PZP: variants seen among roughly 807,000 people sequenced by gnomAD.
PZP encodes pregnancy zone protein.
Under a neutral mutation model 179.8 loss-of-function variants are expected in PZP, and 150 were observed. That is an observed-to-expected ratio of 0.83 (90% confidence interval 0.73 to 0.96). The LOEUF is 0.96. PZP is among the 40% of genes least tolerant of loss of function. The probability of loss-of-function intolerance (pLI) is 0.00; values close to 1 mark genes in which losing one functional copy is unlikely to be tolerated. For synonymous variants in PZP, 624 were observed against 652.3 expected (o/e 0.96, Z 0.66); for missense variants, 1,689 against 1,764.0 (o/e 0.96, Z 0.76).
chr12:9,203,757 G>A lies in PZP; in HGVS notation c.267+11C>T, dbSNP rs375158702. 4.0e-5 allele frequency: 65 copies of A among 1,613,696 alleles called. No homozygotes were observed. The highest frequency in any genetic ancestry group is 5.1e-5 in the Non-Finnish European group (60 of 1,179,830). On this transcript the variant is annotated intron_variant, in intron 2 of 35. Coordinates refer to ENST00000261336, the MANE Select transcript of PZP (RefSeq NM_002864.3). ...CAAGCAGGGATAGCCAGCTGGCACCGTAGCACTCACAGTGAAGGAGACACA... is the reference window on the plus strand; with the variant it reads ...CAAGCAGGGATAGCCAGCTGGCACCATAGCACTCACAGTGAAGGAGACACA...
Position 9,165,194 on chromosome 12 carries a change from C to T in PZP, c.2432G>A (p.Gly811Glu). 6.2e-7 allele frequency: 1 copy of T among 1,614,164 alleles called. No individual in the cohort carries two copies. Among genetic ancestry groups the T allele is most frequent in the Admixed American group, 1.7e-5 (1 of 60,022 alleles). Residue 811 changes from glycine (G) to glutamate (E), a missense_variant, in exon 19 of 36, where the codon GGA becomes GAA. This residue lies in a region of PZP where 201 missense variants were observed against 284.2 expected (regional missense o/e 0.71). Transcript: ENST00000261336. ...ELTMPYSVIR[G>E]EVFTLKATVL... The stretch of plus-strand genomic sequence containing the variant: ...CGTGGCCTTGAGTGTGAAGACCTCT[C>T]CACGAATCACAGAGTAAGGCATTGT...
intron 23 of PZP, among the ~76,000 whole-genome samples, chr12:9,160,810 G>T (rs917337209): frequency 1.3e-5 from 2 of 152,050 alleles, no homozygotes; most frequent in Non-Finnish European, 2.9e-5. Context: ...AGCTACTCGG[G>T]AGGCTGAGGC....
At chr12:9,158,174 T>C (rs1340518225) in intron 26 of PZP, among the ~76,000 whole-genome samples, 1 of 152,206 alleles carries the variant, frequency 6.6e-6, no homozygotes, top group Non-Finnish European at 1.5e-5. Context: ...AGGCTAGTCT[T>C]ATACTCCTGG....
At chr12:9,165,680 T>A (rs751242059) in intron 18 of PZP, among the ~76,000 whole-genome samples, 1 of 152,330 alleles carries the variant, frequency 6.6e-6, no homozygotes, top group African/African-American at 2.4e-5. Context: ...TAAATAAGCA[T>A]TTTTAAGAAT....
At chr12:9,155,480 TTTGTTGTTGTTATTG>T (rs1385231364) in intron 28 of PZP, among the ~76,000 whole-genome samples, 1 of 147,498 alleles carries the variant, frequency 6.8e-6, no homozygotes, top group Non-Finnish European at 1.5e-5. Flanking sequence ...TGTTTTGTTT[TTTGTTGTTGTTATTG>T]TTGTTGTTGT....
rs1040414204 is a variant in PZP, at chr12:9,202,699, A to T, written c.268-15T>A. On this transcript the variant is annotated splice_polypyrimidine_tract_variant and intron_variant, in intron 2 of 35. Transcript: ENST00000261336. ...ATCCTTGGGAGCTAAAAAGCAAAGG[A>T]TTTTTTACTACTGAGGAACTGTGCA... The T allele has an allele frequency of 1.9e-6, 3 of 1,610,890 alleles. No homozygotes were observed. The highest frequency in any genetic ancestry group is 2.2e-5 in the East Asian group (1 of 44,846).
Position 9,157,784 on chromosome 12 carries a change from T to C in PZP, c.3352A>G (p.Ile1118Val). The stretch of plus-strand genomic sequence containing the variant: ...GTACCTACAGTGACTGGGAGAGGAA[T>C]TTCCAGAAGGGCAATAGTAACATAG... ...SAYVTIALLE[I>V]PLPVTNPIVR... Residue 1118 changes from isoleucine to valine, a missense_variant, in exon 27 of 36, where the codon ATT becomes GTT. Ile to Val is a conservative substitution (Grantham distance 29). Coordinates refer to ENST00000261336, the MANE Select transcript of PZP (RefSeq NM_002864.3). The C allele has an allele frequency of 6.2e-7, 1 of 1,614,046 alleles. No individual in the cohort carries two copies.
At chr12:9,163,325 C>T (rs866162301) in intron 21 of PZP, among the ~76,000 whole-genome samples, 69 of 150,972 alleles carry the variant, frequency 4.6e-4, no homozygotes, top group Non-Finnish European at 8.6e-4. Context: ...ATTAGCCAGG[C>T]GCCTGTAGTC....
At chr12:9,166,354 A>G in intron 17 of PZP, 152 bp from the exon 18 acceptor site, 2 of 704,524 alleles carry the variant, frequency 2.8e-6, no homozygotes, top group Non-Finnish European at 4.6e-6. Context: ...ATACTTTGTG[A>G]TCCCTCATTC....
intron 10 of PZP, among the ~76,000 whole-genome samples, chr12:9,195,394 G>C (rs1943711426): frequency 1.3e-5 from 2 of 150,504 alleles, no homozygotes; most frequent in Non-Finnish European, 3.0e-5. Context: ...CCCTTCCCCT[G>C]GCCCTTCCCT....
chr12:9,140,271 G>T, the PZP span, among the ~76,000 whole-genome samples: 58 of 152,268 alleles, frequency 3.8e-4, no homozygotes, highest in African/African-American at 5.3e-4. Flanking sequence ...AGTAGGGGGG[G>T]GCCCAGGAAT....
intron 24 of PZP, 45 bp downstream of exon 24, chr12:9,160,269 A>G (rs1941078288): frequency 2.0e-6 from 3 of 1,527,680 alleles, no homozygotes; most frequent in Admixed American, 2.0e-5. Context: ...AATTGGGAAA[A>G]GTTTCATTAG....
At chr12:9,153,439 G>T in intron 29 of PZP, 96 bp from the exon 30 acceptor site, 1 of 945,838 alleles carries the variant, frequency 1.1e-6, no homozygotes, top group Non-Finnish European at 1.6e-6. Flanking sequence ...GAGGGAAGCT[G>T]GCTTTTTACC....
chr12:9,138,268 A>G, the PZP span, among the ~76,000 whole-genome samples: 1 of 151,982 alleles, frequency 6.6e-6, no homozygotes, highest in Non-Finnish European at 1.5e-5. Flanking sequence ...TTGTATTTAT[A>G]TAATTATGTG....
At position 9,151,668 on chromosome 12, in the gene PZP, T is replaced by C. The variant is rs1940366016; in HGVS notation, c.4217A>G (p.Glu1406Gly). The C allele has an allele frequency of 1.2e-6, 2 of 1,613,520 alleles. No homozygotes were observed. Among genetic ancestry groups the C allele is most frequent in the Non-Finnish European group, 1.7e-6 (2 of 1,179,626 alleles). The part of the protein sequence containing the change: ...IPLKPTVKML[E>G]RSSSVSRTEV... ...TGTCCGGCTCACAGAGCTAGATCTTTCAAGCTGGAGAGAATTAGAAAACTT... is the reference window on the plus strand; with the variant it reads ...TGTCCGGCTCACAGAGCTAGATCTTCCAAGCTGGAGAGAATTAGAAAACTT... Residue 1406 changes from glutamate to glycine, a missense_variant, in exon 33 of 36, where the codon GAA becomes GGA. Glu to Gly is a moderately conservative substitution (Grantham distance 98, BLOSUM62 -2). Transcript: ENST00000261336.
chr12:9,205,143 GAA>G (rs1330753514), intron 1 of PZP, among the ~76,000 whole-genome samples: 1 of 152,034 alleles, frequency 6.6e-6, no homozygotes, highest in Non-Finnish European at 1.5e-5. Flanking sequence ...ATATTATTTT[GAA>G]AAGTCTTTTC....
intron 15 of PZP, among the ~76,000 whole-genome samples, chr12:9,174,011 A>G (rs1592496857): frequency 6.6e-6 from 1 of 152,226 alleles, no homozygotes; most frequent in South Asian, 2.1e-4. Context: ...AAAACCTGGC[A>G]GAGTCACAAC....
intron 13 of PZP, among the ~76,000 whole-genome samples, chr12:9,184,659 C>T (rs753910155): frequency 1.3e-5 from 2 of 152,302 alleles, no homozygotes; most frequent in South Asian, 4.1e-4. Context: ...CTGACATCAC[C>T]CATGGAAGTG....
Position 9,203,766 on chromosome 12 carries a change from A to T in PZP, c.267+2T>A. On this transcript the variant is annotated splice_donor_variant, in intron 2 of 35. Coordinates refer to ENST00000261336, the MANE Select transcript of PZP (RefSeq NM_002864.3). LOFTEE classifies it high-confidence loss of function. ...ATAGCCAGCTGGCACCGTAGCACTC[A>T]CAGTGAAGGAGACACAGTGGAATAA... 1 of 1,614,000 alleles carries T rather than the reference A, an allele frequency of 6.2e-7. No homozygotes were observed. The highest frequency in any genetic ancestry group is 8.5e-7 in the Non-Finnish European group (1 of 1,179,934).
Sources: allele counts gnomAD v4.1 joint callset (sites outside exome capture counted in the v4.1 genomes callset), GRCh38; gene constraint gnomAD v4.1.1; regional missense constraint gnomAD v4.1.1; transcripts MANE v1.5; gene names NCBI Gene and HGNC (gene_info 2026-07-23, HGNC 2026-07-21).